ADARB2: variants seen among roughly 807,000 people sequenced by gnomAD.
The protein encoded by ADARB2 is inactive double-stranded RNA-specific editase B2.
A neutral mutation model predicts 62.2 loss-of-function variants in ADARB2; 25 were observed. That is an observed-to-expected ratio of 0.40 (90% CI 0.29 to 0.56). The LOEUF (loss-of-function observed/expected upper bound fraction) is 0.56, where lower values mean the gene tolerates loss of function less well. Ranked by LOEUF, ADARB2 falls within the 20% of genes least tolerant of loss-of-function variation. ADARB2 has a pLI of 0.43. For missense variants in ADARB2, 1,071 were observed against 1,077.4 expected (o/e 0.99, Z 0.08); for synonymous variants, 572 against 500.8 (o/e 1.14, Z -1.90).
chr10:1,703,324 G>A (rs1373872477), intron 1 of ADARB2, among the ~76,000 whole-genome samples: 1 of 152,164 alleles, frequency 6.6e-6, no homozygotes, highest in Non-Finnish European at 1.5e-5. Context: ...ACTTCTAAGG[G>A]AATAGAGGAT....
intron 1 of ADARB2, among the ~76,000 whole-genome samples, chr10:1,496,539 TATC>T (rs762983423): frequency 5.9e-5 from 9 of 151,988 alleles, no homozygotes; most frequent in South Asian, 2.1e-4. Context: ...TCTTCATTGC[TATC>T]ATCATCATCA....
intron 1 of ADARB2, among the ~76,000 whole-genome samples, chr10:1,488,340 G>C (rs1226929852): frequency 1.3e-5 from 2 of 152,246 alleles, no homozygotes; most frequent in African/African-American, 4.8e-5. Flanking sequence ...ACATGAGCAG[G>C]TCTGAGTAGC....
chr10:1,620,396 A>G (rs1042471487), intron 1 of ADARB2, among the ~76,000 whole-genome samples: 1 of 152,230 alleles, frequency 6.6e-6, no homozygotes, highest in Non-Finnish European at 1.5e-5. Flanking sequence ...GATGGGGGAA[A>G]TTACTGGAAA....
chr10:1,443,046 G>C (rs1020073150), intron 1 of ADARB2, among the ~76,000 whole-genome samples: 19 of 152,278 alleles, frequency 1.2e-4, no homozygotes, highest in African/African-American at 3.6e-4. Context: ...ACCTACAATG[G>C]GTTGGGAAGG....
intron 1 of ADARB2, among the ~76,000 whole-genome samples, chr10:1,614,910 C>CA (rs4002271): frequency 0.55 from 82,088 of 148,664 alleles, 22,867 homozygotes; most frequent in African/African-American, 0.64. Context: ...GACTCTGACT[C>CA]AAAAAAAAAT....
intron 3 of ADARB2, among the ~76,000 whole-genome samples, chr10:1,358,663 T>C (rs1832219964): frequency 7.2e-6 from 1 of 139,772 alleles, no homozygotes; most frequent in African/African-American, 2.5e-5. Context: ...AAAGATTCTT[T>C]TAACATTTGT....
intron 1 of ADARB2, among the ~76,000 whole-genome samples, chr10:1,562,572 C>T (rs1423873032): frequency 6.6e-6 from 1 of 152,260 alleles, no homozygotes; most frequent in Admixed American, 6.5e-5. Context: ...TCATTTATCT[C>T]CAGCACCTGT....
At chr10:1,663,454 G>A (rs1317740487) in intron 1 of ADARB2, among the ~76,000 whole-genome samples, 9 of 151,064 alleles carry the variant, frequency 6.0e-5, no homozygotes, top group South Asian at 2.1e-4. Context: ...CTCCCTCCCC[G>A]CCACCCCTGG....
intron 1 of ADARB2, among the ~76,000 whole-genome samples, chr10:1,600,352 A>T (rs1833394225): frequency 6.6e-6 from 1 of 152,018 alleles, no homozygotes. Context: ...CACCTGATAG[A>T]GGATGGATAT....
At chr10:1,711,905 C>T (rs1468806883) in intron 1 of ADARB2, among the ~76,000 whole-genome samples, 1 of 152,148 alleles carries the variant, frequency 6.6e-6, no homozygotes, top group African/African-American at 2.4e-5. Context: ...CAACTCTGAA[C>T]CATGCTATCA....
chr10:1,663,620 A>ATTTTTTTTTT (rs55695844), intron 1 of ADARB2, among the ~76,000 whole-genome samples: 1 of 148,368 alleles, frequency 6.7e-6, no homozygotes, highest in Non-Finnish European at 1.5e-5. Flanking sequence ...TGACAAATGA[A>ATTTTTTTTTT]TTTTTTTTTT....
At chr10:1,660,605 G>A (rs143744190) in intron 1 of ADARB2, among the ~76,000 whole-genome samples, 1,974 of 152,252 alleles carry the variant, frequency 0.013, 28 homozygotes, top group Middle Eastern at 0.034. Flanking sequence ...AAAAAGGGTG[G>A]ATTTGTCTTA....
intron 1 of ADARB2, among the ~76,000 whole-genome samples, chr10:1,681,789 C>T (rs961268449): frequency 7.2e-5 from 11 of 152,304 alleles, no homozygotes; most frequent in African/African-American, 2.2e-4. Context: ...AATCAAATAC[C>T]GTCACCCAGT....
At chr10:1,339,892 C>A (rs1396443402) in intron 3 of ADARB2, among the ~76,000 whole-genome samples, 2 of 152,096 alleles carry the variant, frequency 1.3e-5, no homozygotes, top group Non-Finnish European at 2.9e-5. Context: ...GGTTTTGAAG[C>A]TACTCTCACA....
chr10:1,532,497 C>CCTGT (rs1296817870), intron 1 of ADARB2, among the ~76,000 whole-genome samples: 2 of 152,044 alleles, frequency 1.3e-5, no homozygotes, highest in African/African-American at 2.4e-5. Context: ...CTGCTGTGGG[C>CCTGT]CTGTAGCTGG....
rs1373161540 is a variant in ADARB2 at position 1,345,341 on chromosome 10, T to C, written c.1077+17687A>G. Among the ~76,000 whole-genome samples the C allele has an allele frequency of 2.6e-5, 4 of 152,096 alleles. No homozygotes were observed. The East Asian group carries it at 7.7e-4, about 29-fold the overall frequency. On this transcript the variant is annotated intron_variant, in intron 3 of 9. Coordinates refer to ENST00000381312, the MANE Select transcript of ADARB2 (RefSeq NM_018702.4). ...AACCCTGGCTGCTCCGCAGGTGAGG[T>C]TGCTCAGAGTCTGCATATGTTGCTC...
intron 3 of ADARB2, among the ~76,000 whole-genome samples, chr10:1,273,945 G>T (rs1831288988): frequency 6.6e-6 from 1 of 152,222 alleles, no homozygotes; most frequent in African/African-American, 2.4e-5. Flanking sequence ...GCAGGTCTGG[G>T]AGGTGGGGAG....
intron 3 of ADARB2, among the ~76,000 whole-genome samples, chr10:1,301,018 C>A (rs564100310): frequency 1.8e-4 from 27 of 152,338 alleles, no homozygotes; most frequent in Non-Finnish European, 3.7e-4. Flanking sequence ...GTGGTGTCAT[C>A]TCCCACTTAA....
chr10:1,256,009 T>C (rs866464918), intron 4 of ADARB2, among the ~76,000 whole-genome samples: 5 of 152,354 alleles, frequency 3.3e-5, no homozygotes, highest in Middle Eastern at 3.4e-3. Context: ...GGCATGAGAA[T>C]GGACAGGCAG....
Sources: gnomAD v4.1 joint callset for allele counts (sites outside exome capture counted in the v4.1 genomes callset) on GRCh38, gnomAD v4.1.1 for gene constraint, MANE v1.5 for transcripts, NCBI Gene and HGNC (gene_info 2026-07-23, HGNC 2026-07-21) for gene names.